RMC1: variants seen among roughly 807,000 people sequenced by gnomAD.
The protein encoded by RMC1 is regulator of MON1-CCZ1.
A neutral mutation model predicts 95.5 loss-of-function variants in RMC1; 44 were observed. The observed-to-expected ratio is 0.46, with a 90% CI of 0.36 to 0.59. RMC1 has a LOEUF of 0.59. Among genes scored for constraint, RMC1 ranks in the 20% least tolerant of loss-of-function variants. The pLI is 0.00. For synonymous variants in RMC1, 320 were observed against 303.6 expected, an observed-to-expected ratio of 1.05 and a Z score of -0.56; for missense variants, 705 against 819.6, an observed-to-expected ratio of 0.86 and a Z score of 1.71.
At chr18:23,522,238 C>T (rs1193921830) in intron 10 of RMC1, 1 of 152,218 alleles carries the variant, frequency 6.6e-6, no homozygotes, top group Non-Finnish European at 1.5e-5. Flanking sequence ...TTCTTTCAAG[C>T]TTCTTCCTTT....
At chr18:23,531,418 A>AC (rs1403221579) in intron 19 of RMC1, 5 of 1,036,232 alleles carry the variant, frequency 4.8e-6, no homozygotes, top group Non-Finnish European at 6.6e-6. Context: ...GCATTTAGTT[A>AC]CCATAAGGAC....
rs891385 is a variant in RMC1 at position 23,524,187 on chromosome 18, A to G, written c.1006+13A>G. 6.2e-5 allele frequency: 100 copies of G among 1,613,040 alleles called. No homozygotes were observed. In the Admixed American group the frequency reaches 1.6e-3, roughly 27 times the overall value. Reference sequence around the variant, plus strand: ...CCATGTAAACTCTGTATCCTTTACTAAGGTGTGGCACCGTGCACAACAGGG... The same window carrying G: ...CCATGTAAACTCTGTATCCTTTACTGAGGTGTGGCACCGTGCACAACAGGG... On this transcript the variant is annotated intron_variant, in intron 11 of 19. Coordinates refer to ENST00000269221, the MANE Select transcript of RMC1 (RefSeq NM_013326.5).
intron 2 of RMC1, chr18:23,506,360 C>T (rs185791179): frequency 1.5e-4 from 23 of 152,074 alleles, no homozygotes; most frequent in African/African-American, 5.5e-4. Context: ...TAATCCATCC[C>T]TTGAGTTTTT....
At position 23,521,168 on chromosome 18, in the gene RMC1, T is replaced by A. The variant is rs953684098; in HGVS notation, c.961+855T>A. ...CCATGCCCAGCCTGTTCTAGTTTTT[T>A]AAAAAATGCAACTACTACTGATCCT... is the stretch of plus-strand genomic sequence containing the variant. On this transcript the variant is annotated intron_variant, in intron 10 of 19. Coordinates refer to ENST00000269221, the MANE Select transcript of RMC1 (RefSeq NM_013326.5). Among the ~76,000 whole-genome samples the A allele has an allele frequency of 3.9e-5, 6 of 152,342 alleles. 1 individual carries two copies. The highest frequency in any genetic ancestry group is 1.4e-4 in the African/African-American group (6 of 41,572).
chr18:23,512,561 C>G (rs2057890284), intron 5 of RMC1, among the ~76,000 whole-genome samples: 1 of 151,846 alleles, frequency 6.6e-6, no homozygotes, highest in African/African-American at 2.4e-5. Flanking sequence ...GCTGGAACTA[C>G]AGGTGTGTGC....
chr18:23,509,590 G>C (rs192770559), intron 5 of RMC1: 1 of 153,844 alleles, frequency 6.5e-6, no homozygotes, highest in Non-Finnish European at 1.4e-5. Context: ...ACGGAGTTTC[G>C]CTCTTGTTGC....
chr18:23,512,939 TTC>T (rs1388389615), intron 5 of RMC1, among the ~76,000 whole-genome samples: 2 of 152,014 alleles, frequency 1.3e-5, no homozygotes, highest in Non-Finnish European at 2.9e-5. Flanking sequence ...CTATTTTACT[TTC>T]TGTTTCTATG....
intron 7 of RMC1, among the ~76,000 whole-genome samples, chr18:23,518,463 C>T (rs896470073): frequency 9.9e-5 from 15 of 151,762 alleles, no homozygotes; most frequent in African/African-American, 3.6e-4. Context: ...CACTGCATTC[C>T]AGCCTGGGTG....
chr18:23,516,879 C>T (rs1043451622), intron 7 of RMC1, among the ~76,000 whole-genome samples: 1 of 151,958 alleles, frequency 6.6e-6, no homozygotes, highest in Admixed American at 6.6e-5. Flanking sequence ...GTGTGCGTCA[C>T]CTCGCCCGGC....
At chr18:23,505,806 C>T (rs772898338) in intron 2 of RMC1, among the ~76,000 whole-genome samples, 6 of 151,810 alleles carry the variant, frequency 4.0e-5, no homozygotes, top group Non-Finnish European at 7.4e-5. Flanking sequence ...CGAGTGAGCC[C>T]GTGATAATCT....
At chr18:23,524,941 CTTTTTTTTTTTT>C (rs5823396) in intron 12 of RMC1, among the ~76,000 whole-genome samples, 2 of 69,218 alleles carry the variant, frequency 2.9e-5, no homozygotes, top group Admixed American at 2.3e-4. Flanking sequence ...TTAGAGAAAT[CTTTTTTTTTTTT>C]TTTTTTTTTT....
rs1340270051 is a variant in RMC1 at position 23,524,427 on chromosome 18, G to A, written c.1007-2G>A. On this transcript the variant is annotated splice_acceptor_variant, in intron 11 of 19. Transcript: ENST00000269221. LOFTEE classifies it high-confidence loss of function. Reference sequence around the variant, plus strand: ...TGGTTTAGAATTTCCTATAACATGTGGATTCTTCATCTTGGATTGTCTTTC... The same window carrying A: ...TGGTTTAGAATTTCCTATAACATGTAGATTCTTCATCTTGGATTGTCTTTC... 6.2e-7 allele frequency: 1 copy of A among 1,613,812 alleles called. No homozygotes were observed. The highest frequency in any genetic ancestry group is 2.2e-5 in the East Asian group (1 of 44,884).
Position 23,518,959 on chromosome 18 carries a change from G to A in RMC1, c.723G>A (p.Val241=). ...CCTCCAACAGCACAGGAGCGGAGGT[G>A]GTCCTCTATCATCTACCACGGTAGA... is the stretch of plus-strand genomic sequence containing the variant. ...SRTSNSTGAE[V]VLYHLPREGA... is the part of the protein sequence containing the mutation. The change falls in exon 8 of 20, where the codon GTG becomes GTA. Residue 241 remains valine, a synonymous_variant. Transcript: ENST00000269221. 6.2e-7 allele frequency: 1 copy of A among 1,614,090 alleles called. No homozygotes were observed. Among genetic ancestry groups the A allele is most frequent in the Non-Finnish European group, 8.5e-7 (1 of 1,180,000 alleles).
chr18:23,526,876 C>A, intron 13 of RMC1, 111 bp downstream of exon 13: 1 of 1,419,226 alleles, frequency 7.0e-7, no homozygotes, highest in Admixed American at 2.2e-5. Context: ...GACCCACAGC[C>A]TCATTCTTTA....
chr18:23,525,008 G>A (rs561227488), intron 12 of RMC1, among the ~76,000 whole-genome samples: 285 of 143,092 alleles, frequency 2.0e-3, no homozygotes, highest in African/African-American at 6.7e-3. Flanking sequence ...GTGCAATGGC[G>A]TGATCTTGGC....
chr18:23,530,198 C>CA lies in RMC1; in HGVS notation c.1600-29dup, dbSNP rs778661046. On this transcript the variant is annotated intron_variant, in intron 17 of 19. Coordinates refer to ENST00000269221, the MANE Select transcript of RMC1 (RefSeq NM_013326.5). Reference sequence around the variant, plus strand: ...TGGAAAATTTTAACCGTTATCTTTCCAACTGAAGTGGGTCTAAAAATGTCT... The same window carrying CA: ...TGGAAAATTTTAACCGTTATCTTTCCAAACTGAAGTGGGTCTAAAAATGTCT... The CA allele has an allele frequency of 3.1e-6, 5 of 1,613,980 alleles. No homozygotes were observed. The African/African-American group carries it at 6.7e-5, about 22-fold the overall frequency.
In RMC1 at chr18:23,516,098, C is replaced by T. The variant is rs2057996920; in HGVS notation, c.549+102C>T. 1.0e-5 allele frequency: 16 copies of T among 1,534,148 alleles called. No individual in the cohort carries two copies. In the Middle Eastern group the frequency reaches 8.6e-4, roughly 83 times the overall value. ...CACGTTAGGGACAGGTTCCTCTAGC[C>T]GTAACGTCACCGCTCTGACCACTAG... On this transcript the variant is annotated intron_variant, in intron 6 of 19. Coordinates refer to ENST00000269221, the MANE Select transcript of RMC1 (RefSeq NM_013326.5).
At chr18:23,524,071 A>G (rs1174313774) in intron 10 of RMC1, 59 bp from the exon 11 acceptor site, 1 of 1,541,598 alleles carries the variant, frequency 6.5e-7, no homozygotes, top group African/African-American at 1.4e-5. Flanking sequence ...TGTCATAAGT[A>G]CCAGCATTTG....
At chr18:23,518,120 G>A (rs2058057302) in intron 7 of RMC1, among the ~76,000 whole-genome samples, 1 of 152,268 alleles carries the variant, frequency 6.6e-6, no homozygotes, top group East Asian at 1.9e-4. Flanking sequence ...TCCCTGGGCA[G>A]GCCCAGCACA....
Sources: allele counts gnomAD v4.1 joint callset (sites outside exome capture counted in the v4.1 genomes callset), GRCh38; gene constraint gnomAD v4.1.1; transcripts MANE v1.5; gene names NCBI Gene and HGNC (gene_info 2026-07-23, HGNC 2026-07-21).